The following KCNMA1 variants were observed in gnomAD, a reference collection of about 807,000 sequenced individuals.
The protein encoded by KCNMA1 is Calcium-activated potassium channel subunit alpha-1.
Under a neutral mutation model 140.0 loss-of-function variants are expected in KCNMA1, and 29 were observed. That is an observed-to-expected ratio of 0.21 (90% confidence interval 0.15 to 0.28). KCNMA1 has a LOEUF of 0.28. KCNMA1 is among the 10% of genes least tolerant of loss of function. The pLI is 1.00. For missense variants in KCNMA1, 880 were observed against 1,602.2 expected, an observed-to-expected ratio of 0.55 and a Z score of 7.70; for synonymous variants, 612 against 611.9, an observed-to-expected ratio of 1.00 and a Z score of 0.00.
chr10:77,636,456 C>A, intron 1 of KCNMA1: 3 of 1,536,198 alleles, frequency 2.0e-6, no homozygotes, highest in Non-Finnish European at 2.6e-6. Context: ...CGGCCTCAGG[C>A]GGACTCCCGC....
At chr10:77,090,533 A>G (rs2096787797) in intron 9 of KCNMA1, 23 bp from the exon 10 acceptor site, 1 of 1,522,272 alleles carries the variant, frequency 6.6e-7, no homozygotes, top group Non-Finnish European at 9.1e-7. Flanking sequence ...GGCCAGTTAG[A>G]TCAGGCCAGG....
chr10:77,391,553 A>G (rs1424329327), intron 2 of KCNMA1, among the ~76,000 whole-genome samples: 1 of 152,184 alleles, frequency 6.6e-6, no homozygotes, highest in Non-Finnish European at 1.5e-5. Context: ...TAGTTTTTAC[A>G]ATAAAAATTT....
intron 5 of KCNMA1, among the ~76,000 whole-genome samples, chr10:77,151,348 TC>T (rs61225064): frequency 1 from 152,164 of 152,164 alleles, 76,082 homozygotes; most frequent in Non-Finnish European, 1. Flanking sequence ...GGCCTCAGCC[TC>T]CCCAAGTAGC....
intron 3 of KCNMA1, among the ~76,000 whole-genome samples, chr10:77,208,868 C>T (rs2045060559): frequency 6.6e-6 from 1 of 152,120 alleles, no homozygotes; most frequent in African/African-American, 2.4e-5. Context: ...ATTATGTGTT[C>T]TTATGAAGTA....
chr10:77,577,983 C>A (rs2074739129), intron 1 of KCNMA1, among the ~76,000 whole-genome samples: 1 of 152,244 alleles, frequency 6.6e-6, no homozygotes, highest in Non-Finnish European at 1.5e-5. Context: ...CCCAGCATGG[C>A]CAGCTAGCTA....
At chr10:77,096,984 C>T (rs1023602495) in intron 9 of KCNMA1, among the ~76,000 whole-genome samples, 1 of 152,088 alleles carries the variant, frequency 6.6e-6, no homozygotes, top group East Asian at 1.9e-4. Context: ...GGAAGCAGGG[C>T]GTGGGGGGTT....
chr10:76,889,637 G>C, intron 26 of KCNMA1, 68 bp from the exon 27 acceptor site: 1 of 1,289,976 alleles, frequency 7.8e-7, no homozygotes, highest in South Asian at 1.2e-5. Context: ...GGACAGCAGG[G>C]AAACGGGTCT....
At chr10:77,542,944 T>G (rs538827748) in intron 1 of KCNMA1, among the ~76,000 whole-genome samples, 7 of 152,254 alleles carry the variant, frequency 4.6e-5, no homozygotes. Flanking sequence ...CGGAGAGAGT[T>G]GGGGAAACAG....
At chr10:77,541,492 C>T (rs577177283) in intron 1 of KCNMA1, among the ~76,000 whole-genome samples, 1 of 152,192 alleles carries the variant, frequency 6.6e-6, no homozygotes, top group Admixed American at 6.5e-5. Context: ...CTTGTTCAAG[C>T]TCACACAAGC....
chr10:77,598,035 G>A (rs532706951), intron 1 of KCNMA1, among the ~76,000 whole-genome samples: 3 of 152,238 alleles, frequency 2.0e-5, no homozygotes, highest in South Asian at 2.1e-4. Flanking sequence ...GCAGTGGCGC[G>A]ATCTCGGTTC....
intron 5 of KCNMA1, among the ~76,000 whole-genome samples, chr10:77,136,562 AT>A: frequency 6.8e-6 from 1 of 147,128 alleles, no homozygotes; most frequent in Admixed American, 7.0e-5. Context: ...TTTCACCACA[AT>A]TTTTTAAAAA....
At chr10:77,624,547 A>C (rs138053573) in intron 1 of KCNMA1, among the ~76,000 whole-genome samples, 1 of 152,326 alleles carries the variant, frequency 6.6e-6, no homozygotes, top group Non-Finnish European at 1.5e-5. Context: ...TTTATAGTAG[A>C]ACAAGAACTT....
intron 2 of KCNMA1, among the ~76,000 whole-genome samples, chr10:77,362,450 G>A (rs186774753): frequency 6.7e-6 from 1 of 150,318 alleles, no homozygotes; most frequent in African/African-American, 2.4e-5. Flanking sequence ...TCCAGGTTGT[G>A]TCACTTCCTG....
At chr10:77,334,398 C>T (rs116387808) in intron 2 of KCNMA1, among the ~76,000 whole-genome samples, 47 of 152,246 alleles carry the variant, frequency 3.1e-4, no homozygotes, top group East Asian at 2.3e-3. Flanking sequence ...TATTTGAGGG[C>T]GCTTGGTCTT....
intron 2 of KCNMA1, chr10:77,313,998 AAATGAAATGAG>A (rs771245627): frequency 2.6e-5 from 4 of 152,212 alleles, no homozygotes; most frequent in Non-Finnish European, 5.9e-5. Flanking sequence ...GTCATTTTAT[AAATGAAATGAG>A]AATGGAATGA....
At chr10:77,386,487 C>T (rs943907451) in intron 2 of KCNMA1, among the ~76,000 whole-genome samples, 1 of 152,134 alleles carries the variant, frequency 6.6e-6, no homozygotes, top group African/African-American at 2.4e-5. Context: ...CTACCAATTG[C>T]CTGAAATTCT....
intron 2 of KCNMA1, among the ~76,000 whole-genome samples, chr10:77,254,648 A>C (rs894215565): frequency 3.9e-5 from 6 of 152,252 alleles, no homozygotes; most frequent in South Asian, 2.1e-4. Flanking sequence ...ATGGATCATT[A>C]GTAACTGGGT....
In KCNMA1 at chr10:77,108,324, A is replaced by G. The variant is rs776088766; in HGVS notation, c.1223+157T>C. ...GTTTGTTAAAAGTCCCGCCGAATTTATTCCGACTCAGGATGAGAGCAGCAA... is the reference window on the plus strand; with the variant it reads ...GTTTGTTAAAAGTCCCGCCGAATTTGTTCCGACTCAGGATGAGAGCAGCAA... On this transcript the variant is annotated intron_variant, in intron 9 of 27. Transcript: ENST00000286628. This position sits in a 1 kb window ranked among gnomAD's most constrained non-coding sequence, Gnocchi z 4.6. The G allele has an allele frequency of 1.7e-4, 263 of 1,541,790 alleles. No homozygotes were observed. Among genetic ancestry groups the G allele is most frequent in the Non-Finnish European group, 2.2e-4 (250 of 1,152,960 alleles).
chr10:77,256,057 A>G (rs2060679108), intron 2 of KCNMA1, among the ~76,000 whole-genome samples: 1 of 152,182 alleles, frequency 6.6e-6, no homozygotes, highest in South Asian at 2.1e-4. Context: ...AATGTCTGAC[A>G]AGGTTCATGA....
Sources: gnomAD v4.1 joint callset for allele counts (sites outside exome capture counted in the v4.1 genomes callset) on GRCh38, gnomAD v4.1.1 for gene constraint, Gnocchi (gnomAD v3.1) non-coding constraint, MANE v1.5 for transcripts, NCBI Gene and HGNC (gene_info 2026-07-23, HGNC 2026-07-21) for gene names.